MCTP2: variants seen among roughly 807,000 people sequenced by gnomAD.
MCTP2 encodes the protein multiple C2 and transmembrane domain containing 2.
In MCTP2, 132 loss-of-function variants were observed where a neutral mutation model predicts 111.6. The observed-to-expected ratio is 1.18, with a 90% confidence interval of 1.03 to 1.37. The LOEUF (loss-of-function observed/expected upper bound fraction) is 1.37. Among genes scored for constraint, MCTP2 ranks in the 40% most tolerant of loss-of-function variants. The pLI is 0.00. For missense variants in MCTP2, 1,183 were observed against 1,067.9 expected (o/e 1.11, Z -1.50); for synonymous variants, 395 against 387.7 (o/e 1.02, Z -0.22).
intron 17 of MCTP2, among the ~76,000 whole-genome samples, chr15:94,423,414 G>A (rs1316041549): frequency 6.6e-6 from 1 of 152,144 alleles, no homozygotes; most frequent in African/African-American, 2.4e-5. Context: ...AATATTTACT[G>A]TTAGAAAATT....
At chr15:94,419,522 C>T (rs1391383843) in intron 17 of MCTP2, among the ~76,000 whole-genome samples, 1 of 152,012 alleles carries the variant, frequency 6.6e-6, no homozygotes. Flanking sequence ...TGAGATTTGC[C>T]AAGGCCATTC....
At chr15:94,373,136 A>G (rs2079575363) in intron 12 of MCTP2, among the ~76,000 whole-genome samples, 1 of 152,194 alleles carries the variant, frequency 6.6e-6, no homozygotes, top group Non-Finnish European at 1.5e-5. Flanking sequence ...CCTAATTTTA[A>G]AGACGTCCAC....
chr15:94,295,842 G>C (rs1407320585), intron 1 of MCTP2, among the ~76,000 whole-genome samples: 2 of 151,690 alleles, frequency 1.3e-5, no homozygotes, highest in Non-Finnish European at 2.9e-5. Flanking sequence ...TTGAGCCCAG[G>C]AGTTCGAGGC....
intron 19 of MCTP2, among the ~76,000 whole-genome samples, chr15:94,455,802 T>C (rs1202642220): frequency 6.6e-6 from 1 of 152,186 alleles, no homozygotes; most frequent in East Asian, 1.9e-4. Flanking sequence ...TGAAGGTGAT[T>C]AATAACAATT....
chr15:94,317,265 T>C (rs540975338), intron 4 of MCTP2, among the ~76,000 whole-genome samples: 209 of 152,268 alleles, frequency 1.4e-3, no homozygotes, highest in Non-Finnish European at 2.2e-3. Flanking sequence ...TTGCTTATCA[T>C]TTTATTTGTG....
intron 11 of MCTP2, among the ~76,000 whole-genome samples, chr15:94,369,407 CCT>C (rs1268515832): frequency 1.3e-5 from 2 of 152,126 alleles, no homozygotes; most frequent in African/African-American, 2.4e-5. Context: ...TATCTGCCGG[CCT>C]CTTTCATGCA....
intron 2 of MCTP2, among the ~76,000 whole-genome samples, chr15:94,312,540 C>T (rs1000235254): frequency 6.6e-6 from 1 of 152,192 alleles, no homozygotes; most frequent in Non-Finnish European, 1.5e-5. Context: ...GGCTATAGTG[C>T]CAGGGCCCTA....
chr15:94,314,407 G>T (rs1313146631), intron 3 of MCTP2, 63 bp downstream of exon 3: 58 of 1,237,930 alleles, frequency 4.7e-5, no homozygotes, highest in Non-Finnish European at 3.7e-5. Flanking sequence ...AAATGTTTGG[G>T]TTTGTATTTT....
At chr15:94,294,941 CTTTTTTTTT>C (rs71133001) in intron 1 of MCTP2, among the ~76,000 whole-genome samples, 8 of 73,990 alleles carry the variant, frequency 1.1e-4, no homozygotes, top group African/African-American at 2.9e-4. Flanking sequence ...TTTTCTTTTC[CTTTTTTTTT>C]TTTTTTTTTT....
intron 1 of MCTP2, among the ~76,000 whole-genome samples, chr15:94,277,642 A>G (rs760712181): frequency 1.3e-5 from 2 of 152,168 alleles, no homozygotes; most frequent in Non-Finnish European, 1.5e-5. Context: ...CTATAATGCA[A>G]TCACTGGCTA....
At chr15:94,301,582 A>G (rs563257139) in intron 2 of MCTP2, among the ~76,000 whole-genome samples, 5 of 152,224 alleles carry the variant, frequency 3.3e-5, no homozygotes, top group African/African-American at 1.2e-4. Flanking sequence ...TGCGCATAGC[A>G]CATAACGTAT....
At chr15:94,250,047 A>AT (rs571293363) in intron 1 of MCTP2, among the ~76,000 whole-genome samples, 1,521 of 150,158 alleles carry the variant, frequency 0.01, 22 homozygotes, top group African/African-American at 0.035. Context: ...TGATTTTTTC[A>AT]TTTTTTTTTT....
intron 17 of MCTP2, among the ~76,000 whole-genome samples, chr15:94,435,662 CG>C (rs1438811070): frequency 9.8e-6 from 1 of 102,206 alleles, no homozygotes; most frequent in Non-Finnish European, 2.0e-5. Context: ...GACGGAGTCT[CG>C]CTCTGTCGCC....
intron 1 of MCTP2, among the ~76,000 whole-genome samples, chr15:94,263,080 A>G (rs568598763): frequency 1.3e-5 from 2 of 152,318 alleles, no homozygotes; most frequent in South Asian, 2.1e-4. Flanking sequence ...ATTGTAGAGG[A>G]GAGAGGTTAA....
Position 94,298,675 on chromosome 15 carries a change from G to T in MCTP2, c.410G>T (p.Gly137Val), listed in dbSNP as rs1321439216. The T allele has an allele frequency of 1.9e-6, 3 of 1,613,518 alleles. No individual in the cohort carries two copies. Among genetic ancestry groups the T allele is most frequent in the African/African-American group, 1.3e-5 (1 of 75,032 alleles). The change falls in exon 2 of 23, where the codon GGC (glycine) becomes GTC (valine). Residue 137 changes from glycine (G) to valine (V), a missense_variant. Transcript: ENST00000357742. ...GAGCGGAGACGGGTGTCCAGCAACG[G>T]CATCTTTGATCTTCAGAAAACTTCC... is the stretch of plus-strand genomic sequence containing the variant. ...PAERRRVSSN[G>V]IFDLQKTSLG... is the part of the protein sequence containing the mutation.
At chr15:94,259,472 G>C (rs1408602241) in intron 1 of MCTP2, among the ~76,000 whole-genome samples, 1 of 152,258 alleles carries the variant, frequency 6.6e-6, no homozygotes, top group South Asian at 2.1e-4. Flanking sequence ...GATTTTGTTT[G>C]TAAGAATCCT....
At chr15:94,459,949 A>G (rs2085080584) in intron 20 of MCTP2, among the ~76,000 whole-genome samples, 2 of 152,240 alleles carry the variant, frequency 1.3e-5, no homozygotes, top group African/African-American at 2.4e-5. Flanking sequence ...GATTGTTAAT[A>G]TCCTCATTTT....
intron 10 of MCTP2, 36 bp from the exon 11 acceptor site, chr15:94,367,569 C>T: frequency 6.4e-7 from 1 of 1,558,306 alleles, no homozygotes; most frequent in East Asian, 2.3e-5. Flanking sequence ...TTGAATTAAT[C>T]ACTTTTCTCT....
rs368695888 is a variant in MCTP2, at chr15:94,400,012, G to C, written c.1965+17G>C. On this transcript the variant is annotated intron_variant, in intron 16 of 22. Coordinates refer to ENST00000357742, the MANE Select transcript of MCTP2 (RefSeq NM_001385001.1). The stretch of plus-strand genomic sequence containing the variant: ...TCCAAAAAGGTGGGTCGCTACAGTA[G>C]GTGGCTTGTTGATTGGTACACTCAG... The C allele has an allele frequency of 6.2e-7, 1 of 1,612,866 alleles. No individual in the cohort carries two copies. The highest frequency in any genetic ancestry group is 8.5e-7 in the Non-Finnish European group (1 of 1,178,940).
Sources: allele counts gnomAD v4.1 joint callset (sites outside exome capture counted in the v4.1 genomes callset), GRCh38; gene constraint gnomAD v4.1.1; transcripts MANE v1.5; gene names NCBI Gene and HGNC (gene_info 2026-07-23, HGNC 2026-07-21).